MALRD1: variants seen among roughly 807,000 people sequenced by gnomAD.
MALRD1 encodes the protein MAM and LDL-receptor class A domain-containing protein 1.
MALRD1 carries 247 observed loss-of-function variants against 242.1 expected under a neutral mutation model. The observed-to-expected ratio is 1.02, with a 90% CI of 0.92 to 1.13. The LOEUF (loss-of-function observed/expected upper bound fraction) is 1.13. MALRD1 is among the 50% of genes most tolerant of loss of function. The probability of loss-of-function intolerance (pLI) is 0.00; values close to 1 mark genes in which losing one functional copy is unlikely to be tolerated. For missense variants in MALRD1, 2,989 were observed against 2,533.1 expected, an observed-to-expected ratio of 1.18 and a Z score of -3.86; for synonymous variants, 995 against 866.6, an observed-to-expected ratio of 1.15 and a Z score of -2.60.
At chr10:19,726,792 A>T (rs529094981) in intron 38 of MALRD1, among the ~76,000 whole-genome samples, 1 of 152,236 alleles carries the variant, frequency 6.6e-6, no homozygotes, top group African/African-American at 2.4e-5. Flanking sequence ...TCTGATACAT[A>T]CTACAATATG....
chr10:19,087,975 T>G, intron 3 of MALRD1, 41 bp downstream of exon 3: 4 of 1,232,504 alleles, frequency 3.2e-6, no homozygotes, highest in Non-Finnish European at 3.0e-6. Flanking sequence ...TTTGTCACAT[T>G]TGGGGACTTC....
intron 2 of MALRD1, among the ~76,000 whole-genome samples, chr10:19,070,159 A>C (rs1252499265): frequency 6.6e-6 from 1 of 152,172 alleles, no homozygotes; most frequent in African/African-American, 2.4e-5. Context: ...ATTTAAAAAG[A>C]AATCAAGTAC....
intron 14 of MALRD1, among the ~76,000 whole-genome samples, chr10:19,189,036 G>C (rs1385818265): frequency 6.6e-6 from 1 of 152,094 alleles, no homozygotes; most frequent in Non-Finnish European, 1.5e-5. Flanking sequence ...GACCTAGGGA[G>C]AGAGAGAAAG....
chr10:19,393,730 C>T (rs1564301908), intron 28 of MALRD1, among the ~76,000 whole-genome samples: 1 of 151,786 alleles, frequency 6.6e-6, no homozygotes. Flanking sequence ...TGCTGGATTA[C>T]AGGCGTGAGC....
chr10:19,190,596 G>C (rs1384638118), intron 14 of MALRD1, among the ~76,000 whole-genome samples: 2 of 150,482 alleles, frequency 1.3e-5, no homozygotes, highest in Non-Finnish European at 3.0e-5. Flanking sequence ...AAAGACCAAT[G>C]TATAGATCAG....
intron 34 of MALRD1, among the ~76,000 whole-genome samples, chr10:19,597,380 T>C (rs757443896): frequency 2.0e-5 from 3 of 152,100 alleles, no homozygotes; most frequent in Non-Finnish European, 4.4e-5. Flanking sequence ...CATTGGAAAA[T>C]TGGAGTTTGC....
At chr10:19,556,931 T>C (rs1286962295) in intron 32 of MALRD1, among the ~76,000 whole-genome samples, 2 of 152,268 alleles carry the variant, frequency 1.3e-5, no homozygotes, top group South Asian at 2.1e-4. Context: ...AGAGTTCCTG[T>C]GGCTCTATAT....
chr10:19,457,371 G>A (rs1032956404), intron 29 of MALRD1, among the ~76,000 whole-genome samples: 6 of 152,000 alleles, frequency 3.9e-5, no homozygotes, highest in Non-Finnish European at 5.9e-5. Flanking sequence ...TACATAAAGC[G>A]GGTTTATTAC....
At chr10:19,339,490 T>G in intron 24 of MALRD1, among the ~76,000 whole-genome samples, 1 of 152,192 alleles carries the variant, frequency 6.6e-6, no homozygotes, top group East Asian at 1.9e-4. Flanking sequence ...GTTTCTCAAA[T>G]GTTTTGATGT....
intron 36 of MALRD1, among the ~76,000 whole-genome samples, chr10:19,644,337 G>A (rs139628403): frequency 2.3e-4 from 35 of 152,302 alleles, no homozygotes; most frequent in South Asian, 1.0e-3. Context: ...CTGATCTGGT[G>A]AGGAAATCCC....
At chr10:19,730,473 G>A (rs762044265) in intron 38 of MALRD1, 1 of 562,486 alleles carries the variant, frequency 1.8e-6, no homozygotes, top group Non-Finnish European at 3.2e-6. Context: ...AGTTTATTTG[G>A]ATCTAAACAC....
At chr10:19,468,374 A>C (rs1836329684) in intron 29 of MALRD1, among the ~76,000 whole-genome samples, 1 of 152,164 alleles carries the variant, frequency 6.6e-6, no homozygotes, top group Admixed American at 6.5e-5. Flanking sequence ...AAAATTTGTT[A>C]GTTGAATTAA....
chr10:19,583,256 C>G lies in MALRD1; in HGVS notation c.5681-11938C>G, dbSNP rs1241702238. On this transcript the variant is annotated intron_variant, in intron 33 of 39. Coordinates refer to ENST00000454679, the MANE Select transcript of MALRD1 (RefSeq NM_001142308.3). ...ATTGCCCTGGCCAGAACTTCCAACACTATGTTGAATAGGAGTGGTGAGAGA... is the reference window on the plus strand; with the variant it reads ...ATTGCCCTGGCCAGAACTTCCAACAGTATGTTGAATAGGAGTGGTGAGAGA... Among the ~76,000 whole-genome samples, 39 of 149,084 alleles carry G rather than the reference C, an allele frequency of 2.6e-4. No homozygotes were observed. In the South Asian group the frequency reaches 7.4e-3, roughly 28 times the overall value.
At chr10:19,355,055 A>T (rs1588957311) in intron 26 of MALRD1, among the ~76,000 whole-genome samples, 2 of 152,280 alleles carry the variant, frequency 1.3e-5, no homozygotes, top group East Asian at 1.9e-4. Context: ...GGAGGGAAAG[A>T]TCCCTTCAGT....
chr10:19,403,534 T>G (rs10827364), intron 28 of MALRD1, among the ~76,000 whole-genome samples: 2 of 151,888 alleles, frequency 1.3e-5, no homozygotes, highest in South Asian at 2.1e-4. Context: ...TTCAGACTTA[T>G]GAGCTGAGGG....
chr10:19,051,346 T>C (rs956550930), intron 1 of MALRD1: 1 of 152,124 alleles, frequency 6.6e-6, no homozygotes, highest in Non-Finnish European at 1.5e-5. Context: ...AGAAATAGAT[T>C]AATGTGTCAA....
chr10:19,389,646 T>C (rs753589456), intron 28 of MALRD1, 37 bp downstream of exon 28: 31 of 1,534,646 alleles, frequency 2.0e-5, no homozygotes, highest in Middle Eastern at 4.0e-4. Context: ...GAGCTTGTTT[T>C]GTTCTGTTTT....
chr10:19,490,364 T>C (rs1028857004), intron 29 of MALRD1, among the ~76,000 whole-genome samples: 2 of 151,984 alleles, frequency 1.3e-5, no homozygotes, highest in East Asian at 3.9e-4. Context: ...TTAAAAACCA[T>C]GTGAAGGGAC....
At chr10:19,078,053 C>CA (rs1354719773) in intron 2 of MALRD1, among the ~76,000 whole-genome samples, 5 of 150,596 alleles carry the variant, frequency 3.3e-5, no homozygotes, top group South Asian at 2.1e-4. Context: ...AAGTTGCTAG[C>CA]AAAAAAAATG....
Sources: allele counts gnomAD v4.1 joint callset (sites outside exome capture counted in the v4.1 genomes callset), GRCh38; gene constraint gnomAD v4.1.1; transcripts MANE v1.5; gene names NCBI Gene and HGNC (gene_info 2026-07-23, HGNC 2026-07-21).